Variants in FSTL4 observed in about 807,000 individuals in gnomAD.
FSTL4 encodes follistatin-related protein 4.
A neutral mutation model predicts 78.2 loss-of-function variants in FSTL4; 28 were observed. The observed-to-expected ratio is 0.36, with a 90% CI of 0.27 to 0.49. The LOEUF (loss-of-function observed/expected upper bound fraction) is 0.49. FSTL4 is among the 20% of genes least tolerant of loss of function. FSTL4 has a pLI of 0.98. For synonymous variants in FSTL4, 422 were observed against 440.5 expected, an observed-to-expected ratio of 0.96 and a Z score of 0.53; for missense variants, 922 against 1,084.9, an observed-to-expected ratio of 0.85 and a Z score of 2.11.
chr5:133,786,751 G>T, the FSTL4 span, among the ~76,000 whole-genome samples: 1 of 152,168 alleles, frequency 6.6e-6, no homozygotes. Flanking sequence ...CCATCAGGTG[G>T]CAAAGATAAC....
intron 3 of FSTL4, among the ~76,000 whole-genome samples, chr5:133,553,049 G>A (rs530123614): frequency 6.6e-6 from 1 of 152,250 alleles, no homozygotes; most frequent in East Asian, 1.9e-4. Context: ...AACTGCAGCG[G>A]CTACTTAGTC....
intron 4 of FSTL4, among the ~76,000 whole-genome samples, chr5:133,333,036 GCACACACATACA>G (rs1754384239): frequency 6.6e-6 from 1 of 152,034 alleles, no homozygotes; most frequent in Non-Finnish European, 1.5e-5. Flanking sequence ...TCTCTCTCAT[GCACACACATACA>G]CACACACTCA....
intron 6 of FSTL4, among the ~76,000 whole-genome samples, chr5:133,259,308 C>A (rs946091582): frequency 3.3e-5 from 5 of 151,854 alleles, no homozygotes; most frequent in Non-Finnish European, 5.9e-5. Flanking sequence ...GAGAAAACAG[C>A]CCATACAAAG....
At position 133,236,819 on chromosome 5, in the gene FSTL4, AC is replaced by A. The variant is rs1581555981; in HGVS notation, c.895-3283del. 6.6e-6 allele frequency among the ~76,000 whole-genome samples: 1 copy of A among 151,870 alleles called. No homozygotes were observed. The highest frequency in any genetic ancestry group is 1.9e-4 in the East Asian group (1 of 5,176). ...CTGGCAGCCCCATTTCTGGAGCCTA[AC>A]CTCTTCCCCACACCCTGCTTGGCGC... On this transcript the variant is annotated intron_variant, in intron 7 of 15. Transcript: ENST00000265342. The surrounding 1 kb of genome is among the most constrained non-coding windows in gnomAD (Gnocchi z 5.0).
the FSTL4 span, among the ~76,000 whole-genome samples, chr5:133,797,412 T>C: frequency 6.6e-6 from 1 of 152,246 alleles, no homozygotes; most frequent in East Asian, 1.9e-4. Context: ...ACCTGCAGGG[T>C]TGACTTAATC....
Position 133,316,534 on chromosome 5 carries a change from G to T in FSTL4, c.528C>A (p.Arg176=), listed in dbSNP as rs529745587. 6.2e-7 allele frequency: 1 copy of T among 1,614,088 alleles called. No homozygotes were observed. Among genetic ancestry groups the T allele is most frequent in the East Asian group, 2.2e-5 (1 of 44,878 alleles). ...CCCTGAACAGAGATTCCACCAGGAG[G>T]CGCTTCTGGGAGGCAGGGTCTTGTC... The part of the protein sequence containing the change: ...DSRQDPASQK[R]LLVESLFRDL... Residue 176 remains arginine (R), a synonymous_variant, in exon 5 of 16, where the codon CGC becomes CGA. Coordinates refer to ENST00000265342, the MANE Select transcript of FSTL4 (RefSeq NM_015082.2).
chr5:133,764,109 G>C, the FSTL4 span, among the ~76,000 whole-genome samples: 1 of 152,246 alleles, frequency 6.6e-6, no homozygotes, highest in African/African-American at 2.4e-5. Flanking sequence ...TCCTCTTGCA[G>C]TCTTTACTTT....
chr5:133,225,836 G>C lies in FSTL4; in HGVS notation c.1016-17C>G. 1 of 1,529,186 alleles carries C rather than the reference G, an allele frequency of 6.5e-7. No individual in the cohort carries two copies. Among genetic ancestry groups the C allele is most frequent in the Non-Finnish European group, 8.8e-7 (1 of 1,140,084 alleles). The allele number at this position is 1,529,186 out of a possible 1,614,324, so 94.7% of individuals were successfully genotyped here. ...CTGGCGGCACTGTGGGTGAGAGTCA[G>C]TGCTGGTGAGAAAGAGACGGCCCTG... is the stretch of plus-strand genomic sequence containing the variant. On this transcript the variant is annotated splice_polypyrimidine_tract_variant and intron_variant, in intron 8 of 15. Transcript: ENST00000265342. This position sits in a 1 kb window ranked among gnomAD's most constrained non-coding sequence, Gnocchi z 4.6.
At chr5:133,574,445 C>T (rs974639167) in intron 2 of FSTL4, among the ~76,000 whole-genome samples, 2 of 152,212 alleles carry the variant, frequency 1.3e-5, no homozygotes, top group Non-Finnish European at 2.9e-5. Flanking sequence ...AAAGGTATTC[C>T]TTCCTGCAGG....
In FSTL4 at chr5:133,198,995, G is replaced by GT; in HGVS notation, c.*99dup. ...GTGTTGAACCACAAAGCGAGTACAG[G>GT]TTTTTGCTTTTGTCTGTAAAAATGT... On this transcript the variant is annotated 3_prime_UTR_variant, in exon 16 of 16. Coordinates refer to ENST00000265342, the MANE Select transcript of FSTL4 (RefSeq NM_015082.2). The GT allele has an allele frequency of 4.4e-6, 3 of 687,514 alleles. No homozygotes were observed. Among genetic ancestry groups the GT allele is most frequent in the South Asian group, 2.6e-5 (1 of 38,144 alleles). The allele number at this position is 687,514 out of a possible 1,614,324, so 42.6% of individuals were successfully genotyped here. A position where few individuals can be genotyped will look rare whatever the true frequency, so the allele number is the denominator to read the frequency against.
the FSTL4 span, among the ~76,000 whole-genome samples, chr5:133,667,860 C>T: frequency 8.5e-5 from 13 of 152,126 alleles, no homozygotes; most frequent in Non-Finnish European, 1.8e-4. Flanking sequence ...CTGTTTTATC[C>T]ACTGTGATGT....
intron 6 of FSTL4, among the ~76,000 whole-genome samples, chr5:133,274,377 G>GTGCTTTTTTTTTTTTT (rs1752830832): frequency 7.9e-4 from 2 of 2,546 alleles, no homozygotes; most frequent in Non-Finnish European, 1.3e-3. Flanking sequence ...AGGGCAATCT[G>GTGCTTTTTTTTTTTTT]TGCTTTTTTT....
At chr5:133,467,257 AGTGTGTGTGT>A (rs34838954) in intron 3 of FSTL4, among the ~76,000 whole-genome samples, 2 of 139,148 alleles carry the variant, frequency 1.4e-5, no homozygotes, top group Non-Finnish European at 3.2e-5. Context: ...AGTATATGTG[AGTGTGTGTGT>A]GTGTGTGTGT....
rs752516846 is a variant in FSTL4 at position 133,225,274 on chromosome 5, G to A, written c.1188C>T (p.Ser396=). The A allele has an allele frequency of 2.4e-5, 39 of 1,614,004 alleles. No individual in the cohort carries two copies. The Middle Eastern group carries it at 6.6e-4, about 27-fold the overall frequency. Residue 396 remains serine, a synonymous_variant, in exon 10 of 16, where the codon AGC becomes AGT. Transcript: ENST00000265342. This position sits in a 1 kb window ranked among gnomAD's most constrained non-coding sequence, Gnocchi z 4.6. ...ACCGAACACTGCTGATGTGGAGTTC[G>A]CTCCCATTGGCTGCAGACAGGACAG... is the stretch of plus-strand genomic sequence containing the variant. The part of the protein sequence containing the change: ...SKQLSLLANG[S]ELHISSVRYE...
Position 133,196,861 on chromosome 5 carries a change from G to C in FSTL4, c.*2234C>G, listed in dbSNP as rs1229648118. ...CTGGACTCCTGAAACCCTGACCTAG[G>C]CTTCAGGCCTGCTTCGATTCAGTTG... On this transcript the variant is annotated 3_prime_UTR_variant, in exon 16 of 16. Coordinates refer to ENST00000265342, the MANE Select transcript of FSTL4 (RefSeq NM_015082.2). The C allele has an allele frequency of 1.3e-5, 2 of 152,272 alleles. No homozygotes were observed. Among genetic ancestry groups the C allele is most frequent in the Non-Finnish European group, 2.9e-5 (2 of 68,076 alleles). The allele number at this position is 152,272 out of a possible 1,614,324, so 9.4% of individuals were successfully genotyped here.
At chr5:133,523,970 A>C (rs901559157) in intron 3 of FSTL4, among the ~76,000 whole-genome samples, 7 of 152,254 alleles carry the variant, frequency 4.6e-5, no homozygotes, top group Admixed American at 2.0e-4. Flanking sequence ...GTGGGCAGGG[A>C]AGACGGGTGT....
intron 4 of FSTL4, among the ~76,000 whole-genome samples, chr5:133,379,651 T>A (rs1176185182): frequency 1.3e-5 from 2 of 151,974 alleles, no homozygotes. Context: ...ACATAACCAA[T>A]GGGTCAAATA....
At chr5:133,706,516 G>T in the FSTL4 span, among the ~76,000 whole-genome samples, 2,216 of 152,198 alleles carry the variant, frequency 0.015, 27 homozygotes, top group Non-Finnish European at 0.023. Flanking sequence ...GAGACTGAAG[G>T]CATTTAAGAC....
chr5:133,312,011 G>C (rs1339076443), intron 6 of FSTL4, among the ~76,000 whole-genome samples: 2 of 152,140 alleles, frequency 1.3e-5, no homozygotes, highest in African/African-American at 4.8e-5. Flanking sequence ...ACCACCTCTG[G>C]TTAATGTAAT....
Sources: allele counts gnomAD v4.1 joint callset (sites outside exome capture counted in the v4.1 genomes callset), GRCh38; gene constraint gnomAD v4.1.1; non-coding constraint Gnocchi (gnomAD v3.1); transcripts MANE v1.5; gene names NCBI Gene and HGNC (gene_info 2026-07-23, HGNC 2026-07-21).